Variants in WWOX observed in about 807,000 individuals in gnomAD.
WWOX encodes the protein WW domain-containing oxidoreductase.
In WWOX, 69 loss-of-function variants were observed where a neutral mutation model predicts 46.2. The observed-to-expected ratio is 1.49, with a 90% CI of 1.23 to 1.82. WWOX has a LOEUF of 1.82. WWOX is among the 40% of genes most tolerant of loss of function. WWOX has a pLI of 0.00. For missense variants in WWOX, 919 were observed against 542.6 expected, an observed-to-expected ratio of 1.69 and a Z score of -6.89; for synonymous variants, 359 against 202.6, an observed-to-expected ratio of 1.77 and a Z score of -6.56.
chr16:78,816,824 C>G (rs1392811688), intron 8 of WWOX, among the ~76,000 whole-genome samples: 1 of 151,940 alleles, frequency 6.6e-6, no homozygotes, highest in Non-Finnish European at 1.5e-5. Flanking sequence ...TTATGCAATG[C>G]CAAGTACTCA....
intron 8 of WWOX, among the ~76,000 whole-genome samples, chr16:78,922,171 C>T (rs1021081416): frequency 6.6e-6 from 1 of 152,024 alleles, no homozygotes; most frequent in Admixed American, 6.6e-5. Flanking sequence ...TGATCTCAGC[C>T]TCCAAGTCAA....
At chr16:79,199,138 C>G (rs1023998730) in intron 8 of WWOX, among the ~76,000 whole-genome samples, 2 of 152,218 alleles carry the variant, frequency 1.3e-5, no homozygotes, top group African/African-American at 4.8e-5. Flanking sequence ...TCTTGGCTCA[C>G]TGCAACCTCT....
chr16:78,672,990 G>A (rs961614664), intron 8 of WWOX, among the ~76,000 whole-genome samples: 9 of 152,224 alleles, frequency 5.9e-5, no homozygotes, highest in African/African-American at 1.2e-4. Context: ...CACCGCCGCC[G>A]TGTGTCAGAA....
At chr16:78,545,838 C>G (rs978732234) in intron 8 of WWOX, among the ~76,000 whole-genome samples, 1 of 152,114 alleles carries the variant, frequency 6.6e-6, no homozygotes, top group Non-Finnish European at 1.5e-5. Flanking sequence ...CGTGGCCTTC[C>G]GTCTGTTTCT....
At chr16:78,821,044 C>A (rs553633683) in intron 8 of WWOX, among the ~76,000 whole-genome samples, 72 of 152,274 alleles carry the variant, frequency 4.7e-4, no homozygotes, top group Non-Finnish European at 3.4e-4. Context: ...TTTGCAAAGA[C>A]CCTGTTTCCA....
intron 8 of WWOX, chr16:78,899,511 T>G (rs137974366): frequency 4.0e-4 from 61 of 152,304 alleles, no homozygotes; most frequent in African/African-American, 1.4e-3. Context: ...TAAATGTTAG[T>G]TATTATTTTA....
chr16:78,208,393 A>C (rs1184187581), intron 5 of WWOX, among the ~76,000 whole-genome samples: 1 of 152,166 alleles, frequency 6.6e-6, no homozygotes, highest in Non-Finnish European at 1.5e-5. Flanking sequence ...ATACCGTTAC[A>C]TATGTATATG....
At chr16:78,771,834 G>C (rs1017514641) in intron 8 of WWOX, among the ~76,000 whole-genome samples, 1 of 151,922 alleles carries the variant, frequency 6.6e-6, no homozygotes, top group Non-Finnish European at 1.5e-5. Context: ...CACAGCAAAG[G>C]TGAGCTTTAA....
At chr16:78,229,659 T>G (rs1333237427) in intron 5 of WWOX, among the ~76,000 whole-genome samples, 3 of 151,956 alleles carry the variant, frequency 2.0e-5, no homozygotes, top group Non-Finnish European at 4.4e-5. Flanking sequence ...AGTCTGTACT[T>G]CTTGTTTTGG....
chr16:78,213,885 C>T (rs1230340632), intron 5 of WWOX, among the ~76,000 whole-genome samples: 5 of 152,158 alleles, frequency 3.3e-5, no homozygotes, highest in Non-Finnish European at 7.4e-5. Context: ...CTGGGGCCCC[C>T]AGGGCGGTTT....
chr16:78,768,558 C>A (rs2049983350), intron 8 of WWOX, among the ~76,000 whole-genome samples: 1 of 151,186 alleles, frequency 6.6e-6, no homozygotes, highest in Non-Finnish European at 1.5e-5. Context: ...CCGCTGCACT[C>A]CAGCCTGGGT....
chr16:78,142,102 G>C (rs1242442144), intron 4 of WWOX, among the ~76,000 whole-genome samples: 1 of 150,884 alleles, frequency 6.6e-6, no homozygotes, highest in African/African-American at 2.4e-5. Flanking sequence ...TGCTTCCTTT[G>C]GTAGTCAATA....
chr16:78,781,732 A>G (rs11150101), intron 8 of WWOX, among the ~76,000 whole-genome samples: 48,190 of 151,914 alleles, frequency 0.32, 8,076 homozygotes, highest in South Asian at 0.38. Context: ...CTGAGATGGC[A>G]CCCCTGCACT....
intron 7 of WWOX, among the ~76,000 whole-genome samples, chr16:78,427,114 G>C (rs978370651): frequency 2.0e-5 from 3 of 152,170 alleles, no homozygotes; most frequent in Non-Finnish European, 4.4e-5. Context: ...CACTACCCAA[G>C]AACTCAGGGC....
At chr16:79,065,367 T>C (rs2048422714) in intron 8 of WWOX, among the ~76,000 whole-genome samples, 1 of 152,164 alleles carries the variant, frequency 6.6e-6, no homozygotes, top group Admixed American at 6.5e-5. Context: ...GCTAGTGTTC[T>C]TCCAGGATAG....
chr16:79,205,432 A>C (rs1002858360), intron 8 of WWOX: 4 of 152,186 alleles, frequency 2.6e-5, no homozygotes, highest in Admixed American at 2.0e-4. Context: ...GCAAAAGATC[A>C]ACATCTAAAC....
chr16:78,261,282 GATACATACATAC>G (rs148569284), intron 5 of WWOX, among the ~76,000 whole-genome samples: 5 of 139,898 alleles, frequency 3.6e-5, no homozygotes, highest in Non-Finnish European at 7.8e-5. Context: ...TAGATAGATA[GATACATACATAC>G]ATACATACAT....
intron 8 of WWOX, among the ~76,000 whole-genome samples, chr16:79,144,930 T>C (rs879604137): frequency 6.6e-6 from 1 of 152,318 alleles, no homozygotes; most frequent in Non-Finnish European, 1.5e-5. Context: ...TATGTATGTA[T>C]AGGAAGAAAT....
intron 8 of WWOX, among the ~76,000 whole-genome samples, chr16:78,771,106 G>T (rs996646336): frequency 6.6e-6 from 1 of 152,204 alleles, no homozygotes; most frequent in Non-Finnish European, 1.5e-5. Context: ...AACACAGCAG[G>T]TGTGGATGAA....
Sources: allele counts gnomAD v4.1 joint callset (sites outside exome capture counted in the v4.1 genomes callset), GRCh38; gene constraint gnomAD v4.1.1; transcripts MANE v1.5; gene names NCBI Gene and HGNC (gene_info 2026-07-23, HGNC 2026-07-21).